Variants in AFF3 observed in about 807,000 individuals in gnomAD.
AFF3 encodes ALF transcription elongation factor 3, also known as AF4/FMR2 family member 3.
AFF3 carries 32 observed loss-of-function variants against 129.7 expected under a neutral mutation model. That is an observed-to-expected ratio of 0.25 (90% confidence interval 0.19 to 0.33). The LOEUF (loss-of-function observed/expected upper bound fraction) is 0.33. Among genes scored for constraint, AFF3 ranks in the 10% least tolerant of loss-of-function variants. AFF3 has a pLI of 1.00. For synonymous variants in AFF3, 644 were observed against 635.4 expected (o/e 1.01, Z -0.20); for missense variants, 1,373 against 1,592.0 (o/e 0.86, Z 2.34).
chr2:99,753,300 A>T (rs1370222650), intron 8 of AFF3, among the ~76,000 whole-genome samples: 1 of 13,200 alleles, frequency 7.6e-5, no homozygotes, highest in Admixed American at 1.3e-3. Flanking sequence ...GGGTTTCACC[A>T]TGTTGGCCAG....
intron 13 of AFF3, among the ~76,000 whole-genome samples, chr2:99,604,089 AAATATCACTCAACCCAGCAATCCCAT>A (rs1181307414): frequency 1.8e-4 from 28 of 152,322 alleles, no homozygotes; most frequent in Middle Eastern, 3.4e-3. Context: ...CTAAAGATAG[AAATATCACTCAACCCAGCAATCCCAT>A]TACTGGGTAT....
At chr2:99,606,561 T>A (rs559824756) in intron 13 of AFF3, among the ~76,000 whole-genome samples, 23 of 152,166 alleles carry the variant, frequency 1.5e-4, no homozygotes, top group African/African-American at 2.4e-4. Flanking sequence ...AGTTTTTTTT[T>A]TAAAAAAGAG....
At chr2:100,061,677 C>T (rs1209077373) in intron 4 of AFF3, among the ~76,000 whole-genome samples, 1 of 152,160 alleles carries the variant, frequency 6.6e-6, no homozygotes, top group Non-Finnish European at 1.5e-5. Flanking sequence ...AGGTGCCAGG[C>T]TCTCCAAAGG....
chr2:99,814,994 C>T (rs372346635), intron 8 of AFF3, among the ~76,000 whole-genome samples: 43 of 151,982 alleles, frequency 2.8e-4, no homozygotes, highest in African/African-American at 8.4e-4. Context: ...GGATTACAGG[C>T]GTGTACCATC....
At position 99,582,969 on chromosome 2, in the gene AFF3, T is replaced by C; in HGVS notation, c.2622A>G (p.Lys874=). ...GGGGTGAGATGGGCGACCGAAGCAT[T>C]TTTTCATTTTTATTTATTGGTATTG... is the stretch of plus-strand genomic sequence containing the variant. ...SVAIPINKNE[K]MLRSPISPLS... The change falls in exon 17 of 25, where the codon AAA becomes AAG. Residue 874 remains lysine (K), a synonymous_variant. Coordinates refer to ENST00000672756, the MANE Select transcript of AFF3 (RefSeq NM_001386135.1). 1 of 1,614,096 alleles carries C rather than the reference T, an allele frequency of 6.2e-7. No individual in the cohort carries two copies. The highest frequency in any genetic ancestry group is 1.7e-5 in the Admixed American group (1 of 60,006).
chr2:100,105,962 C>T (rs1276010492), intron 2 of AFF3: 1 of 1,327,184 alleles, frequency 7.5e-7, no homozygotes, highest in Non-Finnish European at 1.0e-6. Flanking sequence ...CTGGGGCTGC[C>T]AGAAATGTAA....
chr2:99,637,083 G>A (rs941322025), intron 13 of AFF3, among the ~76,000 whole-genome samples: 3 of 152,192 alleles, frequency 2.0e-5, no homozygotes, highest in Non-Finnish European at 2.9e-5. Flanking sequence ...TGGAGAGGAC[G>A]GGAGTGGGTA....
Position 99,594,213 on chromosome 2 carries a change from A to G in AFF3, c.1448T>C (p.Leu483Pro). ...NKVNPHKPPILIQNESHGSES... is the reference protein window; with the variant it reads ...NKVNPHKPPIPIQNESHGSES... ...TGACCCGTGGCTTTCATTTTGGATC[A>G]GAATAGGAGGCTTGTGGGGATTAAC... is the stretch of plus-strand genomic sequence containing the variant. Residue 483 changes from leucine to proline, a missense_variant, in exon 15 of 25, where the codon CTG becomes CCG. Coordinates refer to ENST00000672756, the MANE Select transcript of AFF3 (RefSeq NM_001386135.1). 1.2e-6 allele frequency: 2 copies of G among 1,614,014 alleles called. No homozygotes were observed. Among genetic ancestry groups the G allele is most frequent in the Non-Finnish European group, 1.7e-6 (2 of 1,179,972 alleles).
chr2:99,813,135 T>A (rs1156626291), intron 8 of AFF3, among the ~76,000 whole-genome samples: 1 of 151,318 alleles, frequency 6.6e-6, no homozygotes, highest in African/African-American at 2.4e-5. Context: ...TTTAAACAAC[T>A]TTTCCAAGGA....
At position 99,637,651 on chromosome 2, in the gene AFF3, T is replaced by C. The variant is rs79634089; in HGVS notation, c.1184+11975A>G. Among the ~76,000 whole-genome samples, 8 of 152,270 alleles carry C rather than the reference T, an allele frequency of 5.3e-5. No homozygotes were observed. In the East Asian group the frequency reaches 1.5e-3, roughly 29 times the overall value. On this transcript the variant is annotated intron_variant, in intron 13 of 24. Coordinates refer to ENST00000672756, the MANE Select transcript of AFF3 (RefSeq NM_001386135.1). ...CCATGCAGACAGCAAGTGCTTAATT[T>C]AATCTAAGTACATTCAAGAAGGAAC...
chr2:99,788,993 T>C (rs1158646853), intron 8 of AFF3, among the ~76,000 whole-genome samples: 3 of 152,200 alleles, frequency 2.0e-5, no homozygotes, highest in Non-Finnish European at 4.4e-5. Context: ...CTTGAGTGTA[T>C]AGTAGGCTAT....
At chr2:99,883,854 C>T (rs538950762) in intron 7 of AFF3, among the ~76,000 whole-genome samples, 6 of 152,324 alleles carry the variant, frequency 3.9e-5, no homozygotes, top group East Asian at 1.9e-4. Context: ...GAAGCATTAT[C>T]GTGAACACAA....
At chr2:99,640,792 A>G (rs1684123587) in intron 13 of AFF3, among the ~76,000 whole-genome samples, 1 of 152,244 alleles carries the variant, frequency 6.6e-6, no homozygotes, top group Non-Finnish European at 1.5e-5. Context: ...CCAGACATAA[A>G]TAAAGGAGGC....
chr2:99,700,674 C>G (rs777182459), intron 11 of AFF3, among the ~76,000 whole-genome samples: 1 of 152,180 alleles, frequency 6.6e-6, no homozygotes, highest in Non-Finnish European at 1.5e-5. Flanking sequence ...GAACACATGG[C>G]AGAGAAGCCT....
rs545487730 is a variant in AFF3, at chr2:99,593,169, C to T, written c.2466+26G>A. On this transcript the variant is annotated intron_variant, in intron 15 of 24. Transcript: ENST00000672756. ...GATAGCCCCTTCCCCTCCACGCCCC[C>T]GCACCCCAGTCAGCCCCAGGCCTAC... The T allele has an allele frequency of 1.7e-5, 27 of 1,543,344 alleles. No homozygotes were observed. The East Asian group carries it at 1.8e-4, about 10-fold the overall frequency.
chr2:100,011,436 C>A (rs1682539512), intron 4 of AFF3: 3 of 780,102 alleles, frequency 3.8e-6, no homozygotes, highest in Non-Finnish European at 7.2e-6. Context: ...ATGGAGCAGG[C>A]AGGTGGTCAT....
intron 8 of AFF3, among the ~76,000 whole-genome samples, chr2:99,784,157 G>A (rs1413389438): frequency 6.6e-6 from 1 of 152,192 alleles, no homozygotes; most frequent in African/African-American, 2.4e-5. Flanking sequence ...AAGCCCCTCA[G>A]GGAATCTGGA....
intron 8 of AFF3, among the ~76,000 whole-genome samples, chr2:99,767,903 C>T (rs1683158245): frequency 6.6e-6 from 1 of 152,208 alleles, no homozygotes; most frequent in African/African-American, 2.4e-5. Flanking sequence ...TGAGATTGCG[C>T]CATTGCACTC....
chr2:99,871,339 G>C (rs1160894256), intron 7 of AFF3, among the ~76,000 whole-genome samples: 1 of 152,172 alleles, frequency 6.6e-6, no homozygotes, highest in Admixed American at 6.5e-5. Context: ...GGCATCTACT[G>C]AGTGCTCATC....
Sources: allele counts gnomAD v4.1 joint callset (sites outside exome capture counted in the v4.1 genomes callset), GRCh38; gene constraint gnomAD v4.1.1; transcripts MANE v1.5; gene names NCBI Gene and HGNC (gene_info 2026-07-23, HGNC 2026-07-21).